The following DOCK6 variants were observed in gnomAD, a reference collection of about 807,000 sequenced individuals.
DOCK6 encodes dedicator of cytokinesis 6.
A neutral mutation model predicts 230.3 loss-of-function variants in DOCK6; 167 were observed. The ratio of observed to expected loss-of-function variants is 0.73; its 90% CI spans 0.64 to 0.82. The LOEUF (loss-of-function observed/expected upper bound fraction) is 0.82, where lower values mean the gene tolerates loss of function less well. Among genes scored for constraint, DOCK6 ranks in the 40% least tolerant of loss-of-function variants. DOCK6 has a pLI of 0.00. For synonymous variants in DOCK6, 1,148 were observed against 1,185.0 expected (o/e 0.97, Z 0.64); for missense variants, 2,598 against 2,825.8 (o/e 0.92, Z 1.83).
chr19:11,222,457 G>T lies in DOCK6; in HGVS notation c.3241-209C>A. On this transcript the variant is annotated intron_variant, in intron 26 of 47. Coordinates refer to ENST00000294618, the MANE Select transcript of DOCK6 (RefSeq NM_020812.4). This position sits in a 1 kb window ranked among gnomAD's most constrained non-coding sequence, Gnocchi z 4.0. ...GTTAACCCATCTGTGATGTAACAGG[G>T]CACGGAGTCAAAAGTCAGAGGACTG... 1.3e-6 allele frequency: 1 copy of T among 763,434 alleles called. No individual in the cohort carries two copies. The allele number at this position is 763,434 out of a possible 1,614,324, so 47.3% of individuals were successfully genotyped here.
intron 24 of DOCK6, among the ~76,000 whole-genome samples, chr19:11,225,203 C>T (rs1033403492): frequency 4.6e-5 from 7 of 151,834 alleles, no homozygotes; most frequent in Non-Finnish European, 8.8e-5. Flanking sequence ...ACTCCAGCCT[C>T]GGGGACAGAG....
At chr19:11,247,042 AT>A (rs1488953269) in intron 7 of DOCK6, among the ~76,000 whole-genome samples, 1 of 152,164 alleles carries the variant, frequency 6.6e-6, no homozygotes, top group Non-Finnish European at 1.5e-5. Flanking sequence ...AGCATCGCTT[AT>A]CCCGGCTCTG....
chr19:11,242,155 G>A lies in DOCK6; in HGVS notation c.1533C>T (p.Leu511=). The part of the protein sequence containing the change: ...SPAPENPHFC[L]SPELLHIKPY... ...GCTTGATATGAAGCAGCTCAGGGGAGAGGCAGAAGTGGGGATTTTCAGGAG... is the reference window on the plus strand; with the variant it reads ...GCTTGATATGAAGCAGCTCAGGGGAAAGGCAGAAGTGGGGATTTTCAGGAG... Residue 511 remains leucine (L), a synonymous_variant, in exon 14 of 48, where the codon CTC becomes CTT. Transcript: ENST00000294618. 3 of 1,467,612 alleles carry A rather than the reference G, an allele frequency of 2.0e-6. No homozygotes were observed. Among genetic ancestry groups the A allele is most frequent in the Non-Finnish European group, 2.7e-6 (3 of 1,110,716 alleles). 90.9% of individuals were successfully genotyped at this position (1,467,612 alleles called of 1,614,324 possible).
chr19:11,228,705 G>A lies in DOCK6; in HGVS notation c.2814+235C>T, dbSNP rs137958454. The A allele has an allele frequency of 2.1e-4, 85 of 408,052 alleles. 1 individual carries two copies. In the Middle Eastern group the frequency reaches 3.0e-3, roughly 15 times the overall value. 25.3% of individuals were successfully genotyped at this position (408,052 alleles called of 1,614,324 possible). A position where few individuals can be genotyped will look rare whatever the true frequency, so the allele number is the denominator to read the frequency against. On this transcript the variant is annotated intron_variant, in intron 23 of 47. Transcript: ENST00000294618. ...CTCCCGAGTATCTGGGACTACAGGC[G>A]CCTGCCACCACTCCTGGCTAATTTT...
chr19:11,207,299 T>C lies in DOCK6; in HGVS notation c.5088+1387A>G, dbSNP rs566884788. Reference sequence around the variant, plus strand: ...GCCCCAACCTCCTGGGCTCCAGTGATCCTCCCGCTTCAAGCTTCCTGAGTA... The same window carrying C: ...GCCCCAACCTCCTGGGCTCCAGTGACCCTCCCGCTTCAAGCTTCCTGAGTA... On this transcript the variant is annotated intron_variant, in intron 39 of 47. Transcript: ENST00000294618. Among the ~76,000 whole-genome samples the C allele has an allele frequency of 8.5e-5, 13 of 152,132 alleles. No homozygotes were observed. The South Asian group carries it at 2.7e-3, about 32-fold the overall frequency.
intron 28 of DOCK6, among the ~76,000 whole-genome samples, chr19:11,217,613 C>G (rs544771906): frequency 6.6e-6 from 1 of 151,848 alleles, no homozygotes; most frequent in African/African-American, 2.4e-5. Flanking sequence ...AAAAAATTAG[C>G]TGGGTGTGGT....
At position 11,215,414 on chromosome 19, in the gene DOCK6, CAGTGTGT is replaced by C; in HGVS notation, c.4072_4078del (p.Thr1358GlyfsTer31). On this transcript the variant is annotated frameshift_variant, in exon 32 of 48. Coordinates refer to ENST00000294618, the MANE Select transcript of DOCK6 (RefSeq NM_020812.4). LOFTEE classifies it high-confidence loss of function. ...GTCCACGCGGTCTGAGGTTTGCTTC[CAGTGTGT>C]GACGCTCTTCCGCCAGCGCACATTC... The C allele has an allele frequency of 6.2e-7, 1 of 1,613,790 alleles. No homozygotes were observed.
intron 28 of DOCK6, among the ~76,000 whole-genome samples, chr19:11,220,111 G>A (rs1336120266): frequency 2.6e-5 from 4 of 151,884 alleles, no homozygotes; most frequent in East Asian, 2.0e-4. Context: ...CCACCACCAC[G>A]TCGAGCTAAT....
At position 11,243,509 on chromosome 19, in the gene DOCK6, G is replaced by C. The variant is rs539356599; in HGVS notation, c.1258+48C>G. 1.7e-5 allele frequency: 27 copies of C among 1,555,040 alleles called. No homozygotes were observed. Among genetic ancestry groups the C allele is most frequent in the Non-Finnish European group, 2.0e-5 (23 of 1,151,558 alleles). ...CCGTAGCCCCGCCCCAGGCCTGTCA[G>C]CACCACCCTTTAGCCCCGCCCCAAG... On this transcript the variant is annotated intron_variant, in intron 11 of 47. Coordinates refer to ENST00000294618, the MANE Select transcript of DOCK6 (RefSeq NM_020812.4). This position sits in a 1 kb window ranked among gnomAD's most constrained non-coding sequence, Gnocchi z 6.3.
rs187249194 is a variant in DOCK6 at position 11,208,986 on chromosome 19, C to T, written c.4869G>A (p.Ala1623=). 383 of 1,610,230 alleles carry T rather than the reference C, an allele frequency of 2.4e-4. No individual in the cohort carries two copies. In the African/African-American group the frequency reaches 3.8e-3, roughly 16 times the overall value. ...CGAGGTACTCAGCCACGAGGGCGGC[C>T]GCGTGCACCATGCACTGGGCGGCCT... ...HAEAAQCMVH[A]AALVAEYLAL... The change falls in exon 38 of 48, where the codon GCG becomes GCA. Residue 1623 remains alanine, a synonymous_variant. Coordinates refer to ENST00000294618, the MANE Select transcript of DOCK6 (RefSeq NM_020812.4).
chr19:11,242,382 A>T (rs1055554817), intron 13 of DOCK6, among the ~76,000 whole-genome samples, 175 bp from the exon 14 acceptor site: 1 of 150,660 alleles, frequency 6.6e-6, no homozygotes, highest in Non-Finnish European at 1.5e-5. Context: ...GTCACCCTAA[A>T]TTTTTTTTCG....
Position 11,199,422 on chromosome 19 carries a change from C to G in DOCK6, c.*75G>C, listed in dbSNP as rs771926502. The stretch of plus-strand genomic sequence containing the variant: ...CCCCACAGCCCAGTGGGCACCAGGG[C>G]AGACTCCCCTCGCAGCACAGACAGC... On this transcript the variant is annotated 3_prime_UTR_variant, in exon 48 of 48. Transcript: ENST00000294618. 6.5e-7 allele frequency: 1 copy of G among 1,529,258 alleles called. No individual in the cohort carries two copies. The highest frequency in any genetic ancestry group is 8.9e-7 in the Non-Finnish European group (1 of 1,126,558). 94.7% of individuals were successfully genotyped at this position (1,529,258 alleles called of 1,614,324 possible). A position where few individuals can be genotyped will look rare whatever the true frequency, so the allele number is the denominator to read the frequency against.
In DOCK6 at chr19:11,222,992, C is replaced by T; in HGVS notation, c.3069+1G>A. On this transcript the variant is annotated splice_donor_variant, in intron 25 of 47. Transcript: ENST00000294618. LOFTEE classifies it high-confidence loss of function. This position sits in a 1 kb window ranked among gnomAD's most constrained non-coding sequence, Gnocchi z 4.0. The stretch of plus-strand genomic sequence containing the variant: ...CCCACCCTGCCCACGCCCACTCCTA[C>T]CTGCTTGTAGTGGGCCCGGACCAGG... 1 of 1,613,838 alleles carries T rather than the reference C, an allele frequency of 6.2e-7. No homozygotes were observed. The highest frequency in any genetic ancestry group is 8.5e-7 in the Non-Finnish European group (1 of 1,179,848).
intron 28 of DOCK6, among the ~76,000 whole-genome samples, chr19:11,218,427 G>A (rs544400193): frequency 1.3e-5 from 2 of 152,212 alleles, no homozygotes; most frequent in South Asian, 2.1e-4. Context: ...GATTACAGGC[G>A]TGAGCCACTG....
chr19:11,252,037 T>C, intron 5 of DOCK6, 82 bp downstream of exon 5: 2 of 1,548,288 alleles, frequency 1.3e-6, no homozygotes, highest in Non-Finnish European at 1.7e-6. Context: ...GTTTGGGTCA[T>C]TTCCTGTCAC....
At chr19:11,242,499 C>T (rs1397009364) in intron 13 of DOCK6, among the ~76,000 whole-genome samples, 3 of 152,108 alleles carry the variant, frequency 2.0e-5, no homozygotes, top group Non-Finnish European at 2.9e-5. Context: ...TCAAGTGATT[C>T]TCCTGCCTCA....
intron 8 of DOCK6, 25 bp downstream of exon 8, chr19:11,245,787 G>T: frequency 6.3e-7 from 1 of 1,591,880 alleles, no homozygotes; most frequent in East Asian, 2.3e-5. Flanking sequence ...AGGAAGGGGA[G>T]GAAAGAGAAA....
At chr19:11,239,804 C>A in intron 14 of DOCK6, 1 of 1,607,018 alleles carries the variant, frequency 6.2e-7, no homozygotes, top group South Asian at 1.1e-5. Flanking sequence ...TACAGGACCA[C>A]GGAGGGACGG....
chr19:11,209,936 C>A (rs2147733534), intron 37 of DOCK6, among the ~76,000 whole-genome samples: 1 of 140,780 alleles, frequency 7.1e-6, no homozygotes, highest in South Asian at 2.5e-4. Flanking sequence ...CCTGTCTATC[C>A]CCTTACCTGT....
Sources: gnomAD v4.1 joint callset for allele counts (sites outside exome capture counted in the v4.1 genomes callset) on GRCh38, gnomAD v4.1.1 for gene constraint, Gnocchi (gnomAD v3.1) non-coding constraint, MANE v1.5 for transcripts, NCBI Gene and HGNC (gene_info 2026-07-23, HGNC 2026-07-21) for gene names.